The following GALNT13 variants were observed in gnomAD, a reference collection of about 807,000 sequenced individuals.
The protein encoded by GALNT13 is polypeptide N-acetylgalactosaminyltransferase 13, also known as UDP-GalNAc:polypeptide N-acetylgalactosaminyltransferase 13.
A neutral mutation model predicts 64.2 loss-of-function variants in GALNT13; 28 were observed. The observed-to-expected ratio is 0.44, with a 90% CI of 0.32 to 0.60. GALNT13 has a LOEUF of 0.60. GALNT13 is among the 20% of genes least tolerant of loss of function. The probability of loss-of-function intolerance (pLI) is 0.05; values close to 1 mark genes in which losing one functional copy is unlikely to be tolerated. For synonymous variants in GALNT13, 214 were observed against 224.6 expected, an observed-to-expected ratio of 0.95 and a Z score of 0.42; for missense variants, 577 against 669.8, an observed-to-expected ratio of 0.86 and a Z score of 1.53.
At chr2:153,817,406 T>C in the GALNT13 span, among the ~76,000 whole-genome samples, 30 of 152,310 alleles carry the variant, frequency 2.0e-4, no homozygotes, top group South Asian at 3.7e-3. Flanking sequence ...TGATATCTGA[T>C]CATCCTTCAT....
At chr2:153,402,901 A>C in the GALNT13 span, among the ~76,000 whole-genome samples, 1 of 152,148 alleles carries the variant, frequency 6.6e-6, no homozygotes, top group Non-Finnish European at 1.5e-5. Context: ...CAGTAATTTG[A>C]TTGTCTGAAG....
the GALNT13 span, among the ~76,000 whole-genome samples, chr2:153,834,176 C>T: frequency 6.6e-6 from 1 of 152,104 alleles, no homozygotes. Context: ...AAAGCTCTCT[C>T]ACTCCCAGGA....
the GALNT13 span, among the ~76,000 whole-genome samples, chr2:153,741,920 G>T: frequency 2.0e-5 from 3 of 151,964 alleles, no homozygotes; most frequent in Non-Finnish European, 4.4e-5. Context: ...ATGTAATCTG[G>T]AATAATTAAG....
chr2:153,115,813 A>T, the GALNT13 span, among the ~76,000 whole-genome samples: 3 of 152,210 alleles, frequency 2.0e-5, no homozygotes, highest in African/African-American at 7.2e-5. Context: ...GATGACATTC[A>T]GCTAAAGGTT....
At chr2:153,082,648 C>A in the GALNT13 span, among the ~76,000 whole-genome samples, 1 of 102,800 alleles carries the variant, frequency 9.7e-6, no homozygotes, top group Admixed American at 1.1e-4. Flanking sequence ...CACACACACA[C>A]ACACACACAC....
the GALNT13 span, among the ~76,000 whole-genome samples, chr2:153,083,080 A>G: frequency 1.3e-5 from 2 of 151,616 alleles, no homozygotes; most frequent in Non-Finnish European, 2.9e-5. Context: ...GCCCACCTTG[A>G]CCTCCCAAAG....
chr2:153,889,846 A>G (rs1687434984), intron 1 of GALNT13, among the ~76,000 whole-genome samples: 1 of 151,984 alleles, frequency 6.6e-6, no homozygotes. Flanking sequence ...ATTGAGATAC[A>G]TACTTACCAG....
At chr2:153,299,128 A>G in the GALNT13 span, among the ~76,000 whole-genome samples, 5 of 152,228 alleles carry the variant, frequency 3.3e-5, no homozygotes, top group African/African-American at 1.2e-4. Context: ...TTTGTATTTT[A>G]TGTGACAGAA....
chr2:153,484,547 A>G, the GALNT13 span, among the ~76,000 whole-genome samples: 73 of 152,312 alleles, frequency 4.8e-4, 1 homozygote, highest in African/African-American at 1.4e-3. Context: ...TGTTTGCCAA[A>G]AAAGGTGTAC....
In GALNT13 at chr2:154,133,400, T is replaced by C. The variant is rs536770917; in HGVS notation, c.143-6937T>C. Among the ~76,000 whole-genome samples, 25 of 151,768 alleles carry C rather than the reference T, an allele frequency of 1.6e-4. No individual in the cohort carries two copies. The East Asian group carries it at 4.7e-3, about 28-fold the overall frequency. ...CCATTAAGTCCATAGTGTCCACACATTTTCATTGTGAGTTGCTATGATTAA... is the reference window on the plus strand; with the variant it reads ...CCATTAAGTCCATAGTGTCCACACACTTTCATTGTGAGTTGCTATGATTAA... On this transcript the variant is annotated intron_variant, in intron 3 of 12. Coordinates refer to ENST00000392825, the MANE Select transcript of GALNT13 (RefSeq NM_052917.4).
intron 9 of GALNT13, among the ~76,000 whole-genome samples, chr2:154,329,157 G>C (rs942738007): frequency 2.6e-5 from 4 of 152,110 alleles, no homozygotes; most frequent in Admixed American, 2.0e-4. Flanking sequence ...CCAGGCTAGA[G>C]TGCAATGGCG....
chr2:153,800,642 A>T, the GALNT13 span, among the ~76,000 whole-genome samples: 1 of 152,184 alleles, frequency 6.6e-6, no homozygotes, highest in Non-Finnish European at 1.5e-5. Flanking sequence ...TGTCATTTCA[A>T]CGACGTTCAC....
the GALNT13 span, among the ~76,000 whole-genome samples, chr2:153,396,586 A>T: frequency 6.6e-6 from 1 of 152,106 alleles, no homozygotes; most frequent in Non-Finnish European, 1.5e-5. Flanking sequence ...AGCACACATA[A>T]TAGTTCTATG....
the GALNT13 span, among the ~76,000 whole-genome samples, chr2:153,616,355 A>T: frequency 6.6e-6 from 1 of 151,838 alleles, no homozygotes; most frequent in Non-Finnish European, 1.5e-5. Flanking sequence ...TTGAAGTCAG[A>T]TAATGTGGTT....
At chr2:153,232,854 T>A in the GALNT13 span, among the ~76,000 whole-genome samples, 1 of 152,214 alleles carries the variant, frequency 6.6e-6, no homozygotes, top group Non-Finnish European at 1.5e-5. Context: ...TCTCACCAGC[T>A]TAGTGCTGTA....
the GALNT13 span, among the ~76,000 whole-genome samples, chr2:153,172,643 G>A: frequency 6.6e-6 from 1 of 152,154 alleles, no homozygotes; most frequent in Non-Finnish European, 1.5e-5. Flanking sequence ...AGGGTCACTA[G>A]TACCTGGGCA....
the GALNT13 span, among the ~76,000 whole-genome samples, chr2:153,641,175 T>G: frequency 6.6e-6 from 1 of 152,142 alleles, no homozygotes; most frequent in Admixed American, 6.6e-5. Context: ...AATCTCTCCT[T>G]AATTCTATGA....
At chr2:154,011,416 C>T (rs540917450) in intron 3 of GALNT13, among the ~76,000 whole-genome samples, 19 of 152,078 alleles carry the variant, frequency 1.2e-4, no homozygotes, top group East Asian at 5.8e-4. Context: ...ATTTTTATAG[C>T]GCTGTGGTCT....
At chr2:154,110,128 A>G (rs933780455) in intron 3 of GALNT13, among the ~76,000 whole-genome samples, 1 of 151,460 alleles carries the variant, frequency 6.6e-6, no homozygotes, top group Non-Finnish European at 1.5e-5. Context: ...GAACTGATTC[A>G]ATCTCATTTG....
Sources: allele counts gnomAD v4.1 joint callset (sites outside exome capture counted in the v4.1 genomes callset), GRCh38; gene constraint gnomAD v4.1.1; transcripts MANE v1.5; gene names NCBI Gene and HGNC (gene_info 2026-07-23, HGNC 2026-07-21).